SNTG1: variants seen among roughly 807,000 people sequenced by gnomAD.
SNTG1 encodes the protein gamma-1-syntrophin.
In SNTG1, 39 loss-of-function variants were observed where a neutral mutation model predicts 74.7. The observed-to-expected ratio is 0.52, with a 90% CI of 0.40 to 0.68. The LOEUF (loss-of-function observed/expected upper bound fraction) is 0.68, where lower values mean the gene tolerates loss of function less well. Among genes scored for constraint, SNTG1 ranks in the 30% least tolerant of loss-of-function variants. The probability of loss-of-function intolerance (pLI) is 0.00; values close to 1 mark genes in which losing one functional copy is unlikely to be tolerated. For synonymous variants in SNTG1, 254 were observed against 217.1 expected (o/e 1.17, Z -1.49); for missense variants, 685 against 609.5 (o/e 1.12, Z -1.30).
intron 13 of SNTG1, among the ~76,000 whole-genome samples, chr8:50,632,298 T>A (rs1236212737): frequency 1.3e-5 from 2 of 150,446 alleles, no homozygotes; most frequent in Admixed American, 1.3e-4. Flanking sequence ...TATTTATTTA[T>A]TTATTTATTT....
rs189506653 is a variant in SNTG1, at chr8:50,730,034, T to C, written c.1284+21056T>C. Reference sequence around the variant, plus strand: ...ACTGCGATGCTAAAAAGTAGTTGGATAAGAAAAAATGAGAGCGATTGGGAA... The same window carrying C: ...ACTGCGATGCTAAAAAGTAGTTGGACAAGAAAAAATGAGAGCGATTGGGAA... On this transcript the variant is annotated intron_variant, in intron 17 of 18. Transcript: ENST00000642720. Among the ~76,000 whole-genome samples, 138 of 151,888 alleles carry C rather than the reference T, an allele frequency of 9.1e-4. 2 individuals are homozygous for C. The highest frequency in any genetic ancestry group is 6.8e-3 in the Middle Eastern group (2 of 294).
chr8:49,922,835 T>G (rs578165948), intron 1 of SNTG1, among the ~76,000 whole-genome samples: 1 of 152,292 alleles, frequency 6.6e-6, no homozygotes, highest in African/African-American at 2.4e-5. Flanking sequence ...TGGGATAATT[T>G]ATTTCTGTCA....
At chr8:50,234,672 A>G (rs1396386906) in intron 2 of SNTG1, among the ~76,000 whole-genome samples, 1 of 152,104 alleles carries the variant, frequency 6.6e-6, no homozygotes, top group African/African-American at 2.4e-5. Context: ...ACAAATTAAA[A>G]TGTGTTACAT....
chr8:50,102,888 C>T (rs1409450099), intron 1 of SNTG1, among the ~76,000 whole-genome samples: 1 of 149,158 alleles, frequency 6.7e-6, no homozygotes, highest in Admixed American at 6.7e-5. Flanking sequence ...GGCGTTATTT[C>T]TGAGGGCTCT....
chr8:50,017,300 A>G (rs1359489886), intron 1 of SNTG1, among the ~76,000 whole-genome samples: 1 of 152,092 alleles, frequency 6.6e-6, no homozygotes, highest in Non-Finnish European at 1.5e-5. Flanking sequence ...GGAATTTTAA[A>G]ACTATGTTAG....
At chr8:50,413,251 T>C (rs1325785148) in intron 4 of SNTG1, among the ~76,000 whole-genome samples, 1 of 152,186 alleles carries the variant, frequency 6.6e-6, no homozygotes, top group Non-Finnish European at 1.5e-5. Context: ...AGATGGATGA[T>C]AGATGCATAG....
intron 1 of SNTG1, among the ~76,000 whole-genome samples, chr8:49,941,837 C>G (rs1808720466): frequency 6.6e-6 from 1 of 152,164 alleles, no homozygotes; most frequent in Non-Finnish European, 1.5e-5. Context: ...GACCTTTTCT[C>G]TCTCGCTTTT....
chr8:50,359,274 C>T (rs2091897676), intron 2 of SNTG1, among the ~76,000 whole-genome samples: 1 of 152,184 alleles, frequency 6.6e-6, no homozygotes, highest in Non-Finnish European at 1.5e-5. Context: ...ACATTTACCA[C>T]ATTTATGCCT....
chr8:50,388,448 A>G (rs894443937), intron 2 of SNTG1, among the ~76,000 whole-genome samples: 34 of 152,138 alleles, frequency 2.2e-4, no homozygotes, highest in African/African-American at 8.0e-4. Context: ...CTTTAAATCT[A>G]ATTAGATTAC....
At chr8:49,996,196 G>T (rs1461158262) in intron 1 of SNTG1, among the ~76,000 whole-genome samples, 1 of 152,012 alleles carries the variant, frequency 6.6e-6, no homozygotes, top group African/African-American at 2.4e-5. Flanking sequence ...AAGATAGAAG[G>T]TTTAACTAAT....
chr8:49,946,182 A>G (rs535354646), intron 1 of SNTG1, among the ~76,000 whole-genome samples: 1 of 152,220 alleles, frequency 6.6e-6, no homozygotes, highest in African/African-American at 2.4e-5. Flanking sequence ...TTCCAGCTGT[A>G]CCGTTTTTGA....
chr8:50,790,507 G>A (rs562825105), intron 18 of SNTG1, among the ~76,000 whole-genome samples: 1 of 151,890 alleles, frequency 6.6e-6, no homozygotes, highest in African/African-American at 2.4e-5. Context: ...TTTGATAGGT[G>A]GTAAGAATGC....
At chr8:50,668,559 A>C (rs747005748) in intron 15 of SNTG1, among the ~76,000 whole-genome samples, 1 of 151,050 alleles carries the variant, frequency 6.6e-6, no homozygotes, top group Admixed American at 6.6e-5. Context: ...TCTGGGATAC[A>C]TGTGCAAAAT....
At chr8:50,075,612 C>T (rs955954695) in intron 1 of SNTG1, among the ~76,000 whole-genome samples, 5 of 152,210 alleles carry the variant, frequency 3.3e-5, no homozygotes, top group South Asian at 2.1e-4. Flanking sequence ...GCAGTGGCAA[C>T]ACGTTGGGGC....
intron 1 of SNTG1, among the ~76,000 whole-genome samples, chr8:49,940,803 T>C (rs1444880364): frequency 6.6e-6 from 1 of 152,034 alleles, no homozygotes; most frequent in Non-Finnish European, 1.5e-5. Flanking sequence ...TAATCATACA[T>C]GTGAAAATAG....
chr8:49,940,710 C>A (rs921819262), intron 1 of SNTG1, among the ~76,000 whole-genome samples: 1 of 152,112 alleles, frequency 6.6e-6, no homozygotes, highest in African/African-American at 2.4e-5. Flanking sequence ...ACAGTTATGA[C>A]CCTGTCCTCA....
rs2131411028 is a variant in SNTG1 at position 50,413,895 on chromosome 8, C to T, written c.162+11551C>T. Among the ~76,000 whole-genome samples the T allele has an allele frequency of 1.3e-5, 2 of 152,300 alleles. 1 individual carries two copies. Among genetic ancestry groups the T allele is most frequent in the South Asian group, 4.1e-4 (2 of 4,832 alleles). On this transcript the variant is annotated intron_variant, in intron 4 of 18. Coordinates refer to ENST00000642720, the MANE Select transcript of SNTG1 (RefSeq NM_018967.5). ...CTGATTCTGGCTATTATGATTTTCACTTCTGGAAGTTCTATTCTATCCTAT... is the reference window on the plus strand; with the variant it reads ...CTGATTCTGGCTATTATGATTTTCATTTCTGGAAGTTCTATTCTATCCTAT...
intron 18 of SNTG1, among the ~76,000 whole-genome samples, 195 bp from the exon 19 acceptor site, chr8:50,792,476 T>C (rs1031669083): frequency 6.6e-6 from 1 of 151,938 alleles, no homozygotes; most frequent in Non-Finnish European, 1.5e-5. Context: ...TTATCCACCA[T>C]GTATTGAAAT....
rs1563486018 is a variant in SNTG1 at position 50,502,767 on chromosome 8, C to T, written c.364-11C>T. On this transcript the variant is annotated splice_polypyrimidine_tract_variant and intron_variant, in intron 8 of 18. Transcript: ENST00000642720. ...TAATGATGATTGTATTCTTTTTATTCTTTTTTTCAGGTTCAGGTTCTTCGG... is the reference window on the plus strand; with the variant it reads ...TAATGATGATTGTATTCTTTTTATTTTTTTTTTCAGGTTCAGGTTCTTCGG... 1 of 1,602,050 alleles carries T rather than the reference C, an allele frequency of 6.2e-7. No individual in the cohort carries two copies. Among genetic ancestry groups the T allele is most frequent in the Admixed American group, 1.7e-5 (1 of 59,534 alleles).
Sources: allele counts gnomAD v4.1 joint callset (sites outside exome capture counted in the v4.1 genomes callset), GRCh38; gene constraint gnomAD v4.1.1; transcripts MANE v1.5; gene names NCBI Gene and HGNC (gene_info 2026-07-23, HGNC 2026-07-21).